YAP1: variants seen among roughly 807,000 people sequenced by gnomAD.
The protein encoded by YAP1 is transcriptional coactivator YAP1.
In YAP1, 5 loss-of-function variants were observed where a neutral mutation model predicts 56.9. The ratio of observed to expected loss-of-function variants is 0.09; its 90% CI spans 0.05 to 0.18. YAP1 has a LOEUF of 0.18. Ranked by LOEUF, YAP1 falls within the 10% of genes least tolerant of loss-of-function variation. YAP1 has a pLI of 1.00. For missense variants in YAP1, 539 were observed against 651.8 expected, an observed-to-expected ratio of 0.83 and a Z score of 1.88; for synonymous variants, 265 against 248.1, an observed-to-expected ratio of 1.07 and a Z score of -0.64.
At chr11:102,186,248 C>A in intron 4 of YAP1, 117 bp downstream of exon 4, 5 of 1,109,616 alleles carry the variant, frequency 4.5e-6, no homozygotes, top group Non-Finnish European at 6.4e-6. Flanking sequence ...TAAAAAATGA[C>A]CCTGCCCACC....
intron 4 of YAP1, 166 bp downstream of exon 4, chr11:102,186,297 A>T: frequency 1.3e-6 from 1 of 773,388 alleles, no homozygotes; most frequent in South Asian, 1.9e-5. Flanking sequence ...TCTCATTGTA[A>T]ACTTGAGAAA....
chr11:102,159,175 C>G (rs1351511774), intron 2 of YAP1, among the ~76,000 whole-genome samples: 4 of 152,078 alleles, frequency 2.6e-5, no homozygotes, highest in Admixed American at 6.5e-5. Context: ...TTCTCTGTCT[C>G]TCTCTGTTTG....
chr11:102,177,565 T>C (rs540531023), intron 3 of YAP1, among the ~76,000 whole-genome samples: 2 of 151,334 alleles, frequency 1.3e-5, no homozygotes, highest in East Asian at 3.9e-4. Flanking sequence ...TAATCCCAGC[T>C]ACTCAGGAGG....
At position 102,210,331 on chromosome 11, in the gene YAP1, C is replaced by A. The variant is rs74462870; in HGVS notation, c.1032+767C>A. Among the ~76,000 whole-genome samples, 719 of 152,278 alleles carry A rather than the reference C, an allele frequency of 4.7e-3. 4 individuals are homozygous for A. Among genetic ancestry groups the A allele is most frequent in the African/African-American group, 0.016 (685 of 41,536 alleles). ...GCAGAAGCAACCATATAATGCCTCA[C>A]CTTCTATGTAACTTACTCTGCACTA... is the stretch of plus-strand genomic sequence containing the variant. On this transcript the variant is annotated intron_variant, in intron 6 of 8. Transcript: ENST00000282441.
intron 2 of YAP1, among the ~76,000 whole-genome samples, chr11:102,124,508 A>T (rs530267363): frequency 1.3e-5 from 2 of 152,320 alleles, no homozygotes; most frequent in South Asian, 4.1e-4. Context: ...CTTTTCAGGC[A>T]TGGAATCTTT....
At chr11:102,183,610 A>G (rs1947759544) in intron 3 of YAP1, among the ~76,000 whole-genome samples, 1 of 151,962 alleles carries the variant, frequency 6.6e-6, no homozygotes, top group Admixed American at 6.6e-5. Context: ...TACAAAATGA[A>G]GTGAGTGGAG....
intron 3 of YAP1, among the ~76,000 whole-genome samples, chr11:102,171,582 G>T (rs978632974): frequency 7.2e-5 from 11 of 152,266 alleles, no homozygotes; most frequent in African/African-American, 2.6e-4. Context: ...AATAAACTTA[G>T]TAAACTAACT....
intron 2 of YAP1, among the ~76,000 whole-genome samples, chr11:102,123,709 G>A (rs917018277): frequency 2.8e-5 from 4 of 142,120 alleles, no homozygotes; most frequent in Non-Finnish European, 4.5e-5. Context: ...GCTCGATCTC[G>A]TCTCACTGCA....
chr11:102,214,355 C>T (rs1949561410), intron 6 of YAP1, among the ~76,000 whole-genome samples: 1 of 152,092 alleles, frequency 6.6e-6, no homozygotes. Context: ...TAATAAAGCC[C>T]ACAGTATTGC....
chr11:102,161,380 ACACAC>A (rs1946279169), intron 2 of YAP1, among the ~76,000 whole-genome samples: 1 of 150,792 alleles, frequency 6.6e-6, no homozygotes, highest in Admixed American at 6.6e-5. Context: ...ACACACACAC[ACACAC>A]ACTAAACAAT....
chr11:102,132,341 A>G (rs1050014102), intron 2 of YAP1, among the ~76,000 whole-genome samples: 1 of 152,206 alleles, frequency 6.6e-6, no homozygotes, highest in South Asian at 2.1e-4. Context: ...CTTGAATGAC[A>G]TTGCATCTCA....
chr11:102,124,394 C>G (rs1047159394), intron 2 of YAP1, among the ~76,000 whole-genome samples: 1 of 152,070 alleles, frequency 6.6e-6, no homozygotes, highest in African/African-American at 2.4e-5. Context: ...TCAACAATGC[C>G]TAGTCATGTA....
chr11:102,156,683 A>G (rs781550110), intron 2 of YAP1, among the ~76,000 whole-genome samples: 1 of 152,190 alleles, frequency 6.6e-6, no homozygotes, highest in African/African-American at 2.4e-5. Context: ...TTTGGGAGGA[A>G]TATTCTCAGT....
intron 3 of YAP1, among the ~76,000 whole-genome samples, chr11:102,168,855 G>C (rs1279618114): frequency 1.3e-5 from 2 of 152,220 alleles, no homozygotes; most frequent in Non-Finnish European, 2.9e-5. Flanking sequence ...ATATAAAAAT[G>C]ATGGGTAAAT....
chr11:102,206,848 A>T (rs142661033), intron 5 of YAP1, among the ~76,000 whole-genome samples: 1 of 152,204 alleles, frequency 6.6e-6, no homozygotes, highest in African/African-American at 2.4e-5. Context: ...TCTCAAAAAC[A>T]AAAAGTTATC....
At chr11:102,179,365 A>G (rs1332944492) in intron 3 of YAP1, among the ~76,000 whole-genome samples, 1 of 152,086 alleles carries the variant, frequency 6.6e-6, no homozygotes, top group Non-Finnish European at 1.5e-5. Flanking sequence ...ATCCATTCTC[A>G]CCAATCTAGA....
At chr11:102,201,475 C>A (rs182418659) in intron 4 of YAP1, among the ~76,000 whole-genome samples, 1 of 152,244 alleles carries the variant, frequency 6.6e-6, no homozygotes, top group Admixed American at 6.5e-5. Flanking sequence ...GTCATAAGTA[C>A]ACCTGTATTT....
Position 102,169,707 on chromosome 11 carries a change from G to A in YAP1, c.688+7136G>A, listed in dbSNP as rs532223692. ...AAGTTCAGGTAAATTAAGAGAAATG[G>A]CCCTATAAAATGGAAAAATAGTATA... On this transcript the variant is annotated intron_variant, in intron 3 of 8. Transcript: ENST00000282441. Among the ~76,000 whole-genome samples the A allele has an allele frequency of 1.8e-3, 277 of 152,158 alleles. 9 individuals are homozygous for A. In the South Asian group the frequency reaches 0.053, roughly 29 times the overall value.
intron 5 of YAP1, among the ~76,000 whole-genome samples, 179 bp from the exon 6 acceptor site, chr11:102,209,338 G>T (rs1949279208): frequency 6.6e-6 from 1 of 152,062 alleles, no homozygotes; most frequent in African/African-American, 2.4e-5. Context: ...AACTTCTGAG[G>T]TTCCAGTTTT....
Sources: allele counts gnomAD v4.1 joint callset (sites outside exome capture counted in the v4.1 genomes callset), GRCh38; gene constraint gnomAD v4.1.1; transcripts MANE v1.5; gene names NCBI Gene and HGNC (gene_info 2026-07-23, HGNC 2026-07-21).